FGF12: variants seen among roughly 807,000 people sequenced by gnomAD.
FGF12 encodes fibroblast growth factor 12B.
In FGF12, 14 loss-of-function variants were observed where a neutral mutation model predicts 23.6. The observed-to-expected ratio is 0.59, with a 90% CI of 0.39 to 0.93. The LOEUF is 0.93. Ranked by LOEUF, FGF12 falls within the 40% of genes least tolerant of loss-of-function variation. The pLI is 0.00. For synonymous variants in FGF12, 62 were observed against 77.3 expected (o/e 0.80, Z 1.04); for missense variants, 175 against 217.8 (o/e 0.80, Z 1.24).
intron 4 of FGF12, among the ~76,000 whole-genome samples, chr3:192,236,303 G>A (rs1039513313): frequency 2.1e-4 from 32 of 152,162 alleles, no homozygotes; most frequent in African/African-American, 7.0e-4. Context: ...AAGTGTAAGC[G>A]CCATGTGCTG....
chr3:192,238,241 T>G (rs1332747338), intron 4 of FGF12: 1 of 152,616 alleles, frequency 6.6e-6, no homozygotes, highest in Non-Finnish European at 1.5e-5. Context: ...AACAACACTC[T>G]GGCAGGGGCT....
Position 192,192,257 on chromosome 3 carries a change from G to A in FGF12, c.229-21601C>T, listed in dbSNP as rs1229810011. ...TTGATCAAAATGGAACTATTTAGCT[G>A]TTGATTATGGACTTTTTGGTAGAAA... On this transcript the variant is annotated intron_variant, in intron 4 of 5. Coordinates refer to ENST00000445105, the MANE Select transcript of FGF12 (RefSeq NM_004113.6). Among the ~76,000 whole-genome samples, 3 of 152,046 alleles carry A rather than the reference G, an allele frequency of 2.0e-5. No homozygotes were observed. In the East Asian group the frequency reaches 5.8e-4, roughly 29 times the overall value.
intron 2 of FGF12, among the ~76,000 whole-genome samples, chr3:192,656,093 T>C (rs1716406807): frequency 6.6e-6 from 1 of 151,276 alleles, no homozygotes; most frequent in African/African-American, 2.4e-5. Context: ...AGCACAGGAC[T>C]TTTTAGAAGG....
intron 2 of FGF12, among the ~76,000 whole-genome samples, chr3:192,404,487 G>C (rs916985756): frequency 2.0e-5 from 3 of 152,118 alleles, no homozygotes; most frequent in Admixed American, 1.3e-4. Flanking sequence ...CTAAAGGTTG[G>C]ACATGAATAA....
chr3:192,146,067 A>G (rs1713683892), intron 5 of FGF12, among the ~76,000 whole-genome samples: 1 of 152,226 alleles, frequency 6.6e-6, no homozygotes. Flanking sequence ...ATATGATACC[A>G]TAAAATAGTT....
rs9869136 is a variant in FGF12, at chr3:192,588,787, C to G, written c.13+138394G>C. Among the ~76,000 whole-genome samples, 966 of 152,032 alleles carry G rather than the reference C, an allele frequency of 6.4e-3. 12 individuals are homozygous for G. The highest frequency in any genetic ancestry group is 0.022 in the African/African-American group (933 of 41,530). On this transcript the variant is annotated intron_variant, in intron 2 of 5. Coordinates refer to ENST00000445105, the MANE Select transcript of FGF12 (RefSeq NM_004113.6). ...TCTTCTTATTTGAGTTCACTTTCCA[C>G]TACATTAAAGCACGCTGGAATTCCT...
chr3:192,459,126 T>A (rs1315440503), intron 2 of FGF12, among the ~76,000 whole-genome samples: 1 of 152,218 alleles, frequency 6.6e-6, no homozygotes, highest in Non-Finnish European at 1.5e-5. Context: ...CTAGAGTATG[T>A]CTTTATCAGC....
intron 5 of FGF12, among the ~76,000 whole-genome samples, chr3:192,145,772 G>A (rs1222928713): frequency 1.3e-5 from 2 of 152,182 alleles, no homozygotes; most frequent in African/African-American, 4.8e-5. Flanking sequence ...AGCTCAGAGA[G>A]TAGATCATAT....
At chr3:192,595,093 T>A (rs1210263916) in intron 2 of FGF12, among the ~76,000 whole-genome samples, 4 of 152,260 alleles carry the variant, frequency 2.6e-5, no homozygotes, top group Admixed American at 2.6e-4. Context: ...TATTAACCAA[T>A]TTTTTAACTA....
intron 2 of FGF12, among the ~76,000 whole-genome samples, chr3:192,596,832 T>C (rs572022166): frequency 8.5e-4 from 130 of 152,310 alleles, no homozygotes; most frequent in African/African-American, 3.0e-3. Flanking sequence ...TAGACTCTAT[T>C]CCACCCAATT....
chr3:192,167,454 A>G (rs919940441), intron 5 of FGF12, among the ~76,000 whole-genome samples: 3 of 151,946 alleles, frequency 2.0e-5, no homozygotes, highest in Admixed American at 6.6e-5. Flanking sequence ...AAACACTGGG[A>G]GAGAGGTAGT....
chr3:192,148,335 C>T (rs1206786826), intron 5 of FGF12, among the ~76,000 whole-genome samples: 2 of 152,170 alleles, frequency 1.3e-5, no homozygotes, highest in Non-Finnish European at 2.9e-5. Context: ...AGAAATTCTG[C>T]TAGGTGAAAT....
chr3:192,725,884 T>C (rs183612418), intron 2 of FGF12, among the ~76,000 whole-genome samples: 1 of 152,348 alleles, frequency 6.6e-6, no homozygotes, highest in Non-Finnish European at 1.5e-5. Context: ...TCAAATATAC[T>C]TATAGACATG....
chr3:192,533,199 G>C (rs1463256451), intron 2 of FGF12, among the ~76,000 whole-genome samples: 1 of 152,074 alleles, frequency 6.6e-6, no homozygotes. Flanking sequence ...TCTGTAACTT[G>C]GTATGTTCAA....
intron 2 of FGF12, among the ~76,000 whole-genome samples, chr3:192,417,207 T>C (rs1209034503): frequency 6.6e-6 from 1 of 152,106 alleles, no homozygotes; most frequent in Non-Finnish European, 1.5e-5. Flanking sequence ...TTTTGACAGT[T>C]CTTTCTCTCA....
At chr3:192,276,447 G>A (rs915642282) in intron 4 of FGF12, among the ~76,000 whole-genome samples, 8 of 151,698 alleles carry the variant, frequency 5.3e-5, no homozygotes, top group Non-Finnish European at 1.2e-4. Flanking sequence ...TTTGGTTACA[G>A]CTTATTTTAA....
chr3:192,401,967 T>A (rs1040215206), intron 2 of FGF12, among the ~76,000 whole-genome samples: 20 of 152,224 alleles, frequency 1.3e-4, no homozygotes, highest in Admixed American at 6.5e-5. Flanking sequence ...AAGCTAGAGG[T>A]AATATCTTCA....
intron 2 of FGF12, among the ~76,000 whole-genome samples, chr3:192,446,899 A>C (rs562680667): frequency 9.2e-5 from 14 of 151,934 alleles, no homozygotes; most frequent in Admixed American, 8.5e-4. Flanking sequence ...CTTCGTTCTC[A>C]CTCCCGTCCA....
At position 192,140,038 on chromosome 3, in the gene FGF12, A is replaced by C. The variant is rs1031135300; in HGVS notation, c.*3971T>G. 7 of 152,054 alleles carry C rather than the reference A, an allele frequency of 4.6e-5. No homozygotes were observed. The highest frequency in any genetic ancestry group is 5.9e-5 in the Non-Finnish European group (4 of 67,932). 9.4% of individuals were successfully genotyped at this position (152,054 alleles called of 1,614,324 possible). A position where few individuals can be genotyped will look rare whatever the true frequency, so the allele number is the denominator to read the frequency against. ...AACACGTGCTTTGATTATTATTCCC[A>C]CCTGTTTCTTTTTTATTATAAAGTG... is the stretch of plus-strand genomic sequence containing the variant. On this transcript the variant is annotated 3_prime_UTR_variant, in exon 6 of 6. Coordinates refer to ENST00000445105, the MANE Select transcript of FGF12 (RefSeq NM_004113.6).
Sources: gnomAD v4.1 joint callset for allele counts (sites outside exome capture counted in the v4.1 genomes callset) on GRCh38, gnomAD v4.1.1 for gene constraint, MANE v1.5 for transcripts, NCBI Gene and HGNC (gene_info 2026-07-23, HGNC 2026-07-21) for gene names.